MAPK9: variants seen among roughly 807,000 people sequenced by gnomAD.
MAPK9 encodes the protein Jun kinase.
MAPK9 carries 30 observed loss-of-function variants against 57.1 expected under a neutral mutation model. The ratio of observed to expected loss-of-function variants is 0.53; its 90% CI spans 0.39 to 0.71. MAPK9 has a LOEUF of 0.71. Among genes scored for constraint, MAPK9 ranks in the 30% least tolerant of loss-of-function variants. MAPK9 has a pLI of 0.00. For missense variants in MAPK9, 362 were observed against 521.0 expected (o/e 0.69, Z 2.97); for synonymous variants, 155 against 177.0 (o/e 0.88, Z 0.99).
chr5:180,289,533 G>A lies in MAPK9; in HGVS notation c.-48+2315C>T, dbSNP rs731919. ...GGGACCCAGGAAAGAATCCTTATCT[G>A]GGAAGTGATCTGGGTTCGAACTCCA... On this transcript the variant is annotated intron_variant, in intron 1 of 11. Transcript: ENST00000452135. Among the ~76,000 whole-genome samples the A allele has an allele frequency of 9.7e-3, 1,477 of 152,268 alleles. 23 individuals are homozygous for A. Among genetic ancestry groups the A allele is most frequent in the African/African-American group, 0.034 (1,413 of 41,540 alleles).
chr5:180,282,775 C>T (rs1762419232), intron 1 of MAPK9, among the ~76,000 whole-genome samples: 1 of 152,230 alleles, frequency 6.6e-6, no homozygotes, highest in Non-Finnish European at 1.5e-5. Context: ...ATGTACTGAG[C>T]ACCCGCTGTG....
rs778533105 is a variant in MAPK9 at position 180,236,234 on chromosome 5, A to C, written c.*150T>G. On this transcript the variant is annotated 3_prime_UTR_variant, in exon 12 of 12. Coordinates refer to ENST00000452135, the MANE Select transcript of MAPK9 (RefSeq NM_002752.5). ...GCCTCATTTTATCATCTAAGCAGGCAATCCTATCAGGTCTGAGTAGGGCAA... is the reference window on the plus strand; with the variant it reads ...GCCTCATTTTATCATCTAAGCAGGCCATCCTATCAGGTCTGAGTAGGGCAA... 2 of 755,632 alleles carry C rather than the reference A, an allele frequency of 2.6e-6. No homozygotes were observed. Among genetic ancestry groups the C allele is most frequent in the Non-Finnish European group, 3.8e-6 (2 of 531,454 alleles). The allele number at this position is 755,632 out of a possible 1,614,324, so 46.8% of individuals were successfully genotyped here.
chr5:180,262,641 G>A (rs2127596626), intron 4 of MAPK9, among the ~76,000 whole-genome samples: 1 of 151,492 alleles, frequency 6.6e-6, no homozygotes, highest in East Asian at 1.9e-4. Flanking sequence ...TTGCCATGTT[G>A]CCCAGGCTGG....
chr5:180,292,048 C>T lies in MAPK9; in HGVS notation c.-248G>A, dbSNP rs1409875796. The T allele has an allele frequency of 6.5e-6, 1 of 153,668 alleles. No individual in the cohort carries two copies. The highest frequency in any genetic ancestry group is 2.4e-5 in the African/African-American group (1 of 41,218). The allele number at this position is 153,668 out of a possible 1,614,324, so 9.5% of individuals were successfully genotyped here. On this transcript the variant is annotated 5_prime_UTR_variant, in exon 1 of 12. Transcript: ENST00000452135. ...GCTGCGACCCTTCCGGTCCCGCTCC[C>T]TTCTCCGCCGCTGCCGCCGCCGCGG...
At chr5:180,284,862 C>T (rs570245172) in intron 1 of MAPK9, among the ~76,000 whole-genome samples, 1 of 152,248 alleles carries the variant, frequency 6.6e-6, no homozygotes, top group East Asian at 1.9e-4. Flanking sequence ...AGGAAATACA[C>T]CAAGTTGAAG....
chr5:180,264,921 G>A, intron 3 of MAPK9, 82 bp from the exon 4 acceptor site: 2 of 1,150,052 alleles, frequency 1.7e-6, no homozygotes, highest in Non-Finnish European at 2.3e-6. Flanking sequence ...AATGCATTAA[G>A]ACGGGAAAAA....
At chr5:180,272,876 T>C (rs1352352077) in intron 2 of MAPK9, among the ~76,000 whole-genome samples, 3 of 152,202 alleles carry the variant, frequency 2.0e-5, no homozygotes, top group African/African-American at 4.8e-5. Flanking sequence ...AACGTATCCA[T>C]TGTATTTCAG....
intron 11 of MAPK9, chr5:180,237,964 C>A (rs1757312043): frequency 1.8e-5 from 3 of 165,582 alleles, no homozygotes; most frequent in Non-Finnish European, 3.9e-5. Context: ...TGCTGAAACC[C>A]CGTCTCTACT....
chr5:180,277,554 T>C (rs1479683575), intron 2 of MAPK9, among the ~76,000 whole-genome samples: 1 of 152,190 alleles, frequency 6.6e-6, no homozygotes, highest in Non-Finnish European at 1.5e-5. Flanking sequence ...TAAAGAAATA[T>C]ACAAATTCCA....
At chr5:180,285,399 C>T (rs550261342) in intron 1 of MAPK9, among the ~76,000 whole-genome samples, 1 of 152,330 alleles carries the variant, frequency 6.6e-6, no homozygotes, top group Non-Finnish European at 1.5e-5. Context: ...CACAGTCCTG[C>T]ACATTTCACC....
chr5:180,271,077 G>T (rs1761260153), intron 2 of MAPK9, among the ~76,000 whole-genome samples: 1 of 152,112 alleles, frequency 6.6e-6, no homozygotes, highest in Admixed American at 6.5e-5. Flanking sequence ...TAAAAAGTAT[G>T]TGAGGTAATG....
In MAPK9 at chr5:180,236,305, T is replaced by C. The variant is rs556244253; in HGVS notation, c.*79A>G. Reference sequence around the variant, plus strand: ...CAGAACATGGAGTTTTTCTATTTGGTTCCATCAACTCCCAAGCATTTCAGG... The same window carrying C: ...CAGAACATGGAGTTTTTCTATTTGGCTCCATCAACTCCCAAGCATTTCAGG... On this transcript the variant is annotated 3_prime_UTR_variant, in exon 12 of 12. Transcript: ENST00000452135. 52 of 1,453,708 alleles carry C rather than the reference T, an allele frequency of 3.6e-5. No individual in the cohort carries two copies. The East Asian group carries it at 1.2e-3, about 32-fold the overall frequency. 90.1% of individuals were successfully genotyped at this position (1,453,708 alleles called of 1,614,324 possible).
chr5:180,269,519 T>C (rs1319764508), intron 2 of MAPK9, 110 bp from the exon 3 acceptor site: 9 of 1,050,684 alleles, frequency 8.6e-6, no homozygotes, highest in Non-Finnish European at 1.3e-5. Flanking sequence ...CAAGGAAAAA[T>C]CTGCTTATTT....
At chr5:180,238,498 A>G (rs1041242557) in intron 10 of MAPK9, 95 bp from the exon 11 acceptor site, 18 of 876,534 alleles carry the variant, frequency 2.1e-5, no homozygotes, top group African/African-American at 1.8e-4. Context: ...GAACAAAGGC[A>G]TTGCGATTTG....
At chr5:180,237,634 T>G (rs1757276767) in intron 11 of MAPK9, 1 of 152,286 alleles carries the variant, frequency 6.6e-6, no homozygotes, top group Non-Finnish European at 1.5e-5. Flanking sequence ...AAATTCAATT[T>G]CTTCATCTGT....
In MAPK9 at chr5:180,247,366, C is replaced by G. The variant is rs140536742; in HGVS notation, c.688+73G>C. On this transcript the variant is annotated intron_variant, in intron 7 of 11. Transcript: ENST00000452135. The surrounding 1 kb of genome is among the most constrained non-coding windows in gnomAD (Gnocchi z 4.5). ...TTACGACTTTGTCCTCGTGAGCGCT[C>G]GTGTAAGCAGGTGGTCATGCTGCCT... 6.4e-7 allele frequency: 1 copy of G among 1,570,940 alleles called. No individual in the cohort carries two copies. The highest frequency in any genetic ancestry group is 1.7e-5 in the Admixed American group (1 of 59,902).
chr5:180,263,941 G>A (rs1356913380), intron 4 of MAPK9, among the ~76,000 whole-genome samples: 12 of 152,128 alleles, frequency 7.9e-5, no homozygotes, highest in African/African-American at 2.2e-4. Flanking sequence ...TCCTGACCTC[G>A]TGATCCGCCC....
chr5:180,236,584 G>C, intron 11 of MAPK9, 58 bp from the exon 12 acceptor site: 1 of 1,580,014 alleles, frequency 6.3e-7, no homozygotes, highest in Non-Finnish European at 8.7e-7. Context: ...TGCAAATCCA[G>C]GCAGCGAGAC....
chr5:180,235,982 C>G lies in MAPK9; in HGVS notation c.*402G>C, dbSNP rs1757147946. The G allele has an allele frequency of 6.4e-6, 1 of 155,242 alleles. No homozygotes were observed. Among genetic ancestry groups the G allele is most frequent in the Non-Finnish European group, 1.4e-5 (1 of 69,864 alleles). 9.6% of individuals were successfully genotyped at this position (155,242 alleles called of 1,614,324 possible). ...GAGATAACTTCAGAAGCAGCACTAC[C>G]TGGAAGATTATTTGGCATTTAAATA... On this transcript the variant is annotated 3_prime_UTR_variant, in exon 12 of 12. Transcript: ENST00000452135.
Sources: allele counts gnomAD v4.1 joint callset (sites outside exome capture counted in the v4.1 genomes callset), GRCh38; gene constraint gnomAD v4.1.1; non-coding constraint Gnocchi (gnomAD v3.1); transcripts MANE v1.5; gene names NCBI Gene and HGNC (gene_info 2026-07-23, HGNC 2026-07-21).